The following TIAM2 variants were observed in gnomAD, a reference collection of about 807,000 sequenced individuals.
The protein encoded by TIAM2 is rho guanine nucleotide exchange factor TIAM2.
TIAM2 carries 80 observed loss-of-function variants against 152.9 expected under a neutral mutation model. The ratio of observed to expected loss-of-function variants is 0.52; its 90% CI spans 0.44 to 0.63. The LOEUF (loss-of-function observed/expected upper bound fraction) is 0.63, where lower values mean the gene tolerates loss of function less well. Ranked by LOEUF, TIAM2 falls within the 30% of genes least tolerant of loss-of-function variation. The pLI is 0.00. For synonymous variants in TIAM2, 804 were observed against 838.0 expected, an observed-to-expected ratio of 0.96 and a Z score of 0.70; for missense variants, 1,965 against 2,120.1, an observed-to-expected ratio of 0.93 and a Z score of 1.44.
intron 2 of TIAM2, among the ~76,000 whole-genome samples, chr6:155,119,214 T>C (rs991172424): frequency 1.3e-5 from 2 of 152,168 alleles, no homozygotes; most frequent in East Asian, 3.9e-4. Context: ...TTTGTATTTT[T>C]AGTAGAGACA....
At chr6:155,128,007 A>G (rs1468385565) in intron 3 of TIAM2, among the ~76,000 whole-genome samples, 3 of 152,274 alleles carry the variant, frequency 2.0e-5, no homozygotes, top group African/African-American at 4.8e-5. Context: ...CCTCAAAAAA[A>G]TTATTTCAGA....
intron 20 of TIAM2, 87 bp downstream of exon 20, chr6:155,248,266 C>T: frequency 1.4e-6 from 2 of 1,435,840 alleles, no homozygotes; most frequent in Non-Finnish European, 1.9e-6. Flanking sequence ...CAGCTCACCT[C>T]TTCCCCGCCT....
intron 1 of TIAM2, among the ~76,000 whole-genome samples, chr6:155,010,735 G>A (rs2475871): frequency 0.59 from 89,567 of 151,038 alleles, 28,102 homozygotes; most frequent in East Asian, 0.8. Context: ...ACAGGCATGA[G>A]CCACTGCGCC....
chr6:155,054,124 G>A (rs1260875317), intron 1 of TIAM2, among the ~76,000 whole-genome samples: 1 of 152,202 alleles, frequency 6.6e-6, no homozygotes, highest in Non-Finnish European at 1.5e-5. Flanking sequence ...AGTAAGCTGA[G>A]ATGGCACCAC....
At chr6:155,199,929 T>C (rs562197293) in intron 14 of TIAM2, among the ~76,000 whole-genome samples, 16 of 152,300 alleles carry the variant, frequency 1.1e-4, no homozygotes, top group Non-Finnish European at 1.3e-4. Context: ...GCTGGGTAAA[T>C]CAAGGTATAG....
At chr6:155,224,955 A>ATTTG (rs746662314) in intron 15 of TIAM2, among the ~76,000 whole-genome samples, 17 of 151,890 alleles carry the variant, frequency 1.1e-4, no homozygotes, top group African/African-American at 2.7e-4. Context: ...TTTTCTATTT[A>ATTTG]TTTGTTTGTT....
intron 7 of TIAM2, among the ~76,000 whole-genome samples, chr6:155,157,324 C>G (rs1780145202): frequency 6.6e-6 from 1 of 152,156 alleles, no homozygotes; most frequent in Admixed American, 6.5e-5. Context: ...TTATCAGAGC[C>G]TCTGCCTTAG....
At chr6:155,147,684 C>T (rs1260888960) in intron 6 of TIAM2, among the ~76,000 whole-genome samples, 1 of 152,126 alleles carries the variant, frequency 6.6e-6, no homozygotes, top group Non-Finnish European at 1.5e-5. Context: ...GTGGTTTCAC[C>T]ATATTGGCCA....
At chr6:155,223,517 A>ATTTTT (rs11389646) in intron 15 of TIAM2, among the ~76,000 whole-genome samples, 1 of 140,864 alleles carries the variant, frequency 7.1e-6, no homozygotes. Flanking sequence ...ACATCCCCAG[A>ATTTTT]TTTTTTTTTC....
chr6:155,115,841 A>T (rs527290095), intron 2 of TIAM2, among the ~76,000 whole-genome samples: 2 of 152,270 alleles, frequency 1.3e-5, no homozygotes, highest in East Asian at 3.9e-4. Context: ...AGGATTGGTC[A>T]GGCGTGGTGG....
intron 21 of TIAM2, chr6:155,250,463 A>C: frequency 4.8e-6 from 6 of 1,262,686 alleles, no homozygotes; most frequent in Non-Finnish European, 6.5e-6. Flanking sequence ...TTAGGGAGAA[A>C]ATGGCAGGAA....
intron 24 of TIAM2, 118 bp from the exon 25 acceptor site, chr6:155,253,855 A>T (rs1583293498): frequency 1.4e-6 from 1 of 702,350 alleles, no homozygotes; most frequent in East Asian, 2.8e-5. Flanking sequence ...GAAGAAAATG[A>T]GCCAGGACTG....
chr6:155,238,684 C>T lies in TIAM2; in HGVS notation c.3169-1846C>T, dbSNP rs554288015. On this transcript the variant is annotated intron_variant, in intron 15 of 26. Transcript: ENST00000682666. ...TTTCACCGAAGCCTTCCTGGACAAC[C>T]GATTCTAAAATGCTGCCTCTATTCA... 4.6e-5 allele frequency among the ~76,000 whole-genome samples: 7 copies of T among 152,350 alleles called. No homozygotes were observed. The East Asian group carries it at 7.7e-4, about 17-fold the overall frequency.
At chr6:155,003,465 G>A (rs1306844767) in intron 1 of TIAM2, among the ~76,000 whole-genome samples, 7 of 152,088 alleles carry the variant, frequency 4.6e-5, no homozygotes, top group Admixed American at 4.6e-4. Context: ...AGGCAACAGA[G>A]TGAGACTCTG....
intron 1 of TIAM2, among the ~76,000 whole-genome samples, chr6:155,024,104 G>A (rs1280874511): frequency 6.6e-6 from 1 of 152,128 alleles, no homozygotes; most frequent in African/African-American, 2.4e-5. Context: ...GCTGAGCTGG[G>A]TTTTGACCTT....
rs1391918156 is a variant in TIAM2, at chr6:155,130,164, C to T, written c.941C>T (p.Ser314Leu). Reference protein sequence around the residue: ...KDANLGSLSPSGIRLSDEYMG... With the variant: ...KDANLGSLSPLGIRLSDEYMG... The stretch of plus-strand genomic sequence containing the variant: ...GCCAACCTGGGGAGCCTCTCCCCCT[C>T]AGGTATCCGCCTTTCTGATGAATAC... Residue 314 changes from serine (S) to leucine (L), a missense_variant, in exon 4 of 27, where the codon TCA becomes TTA. Ser to Leu is a moderately radical substitution (Grantham distance 145). Coordinates refer to ENST00000682666, the MANE Select transcript of TIAM2 (RefSeq NM_012454.4). 1 of 1,614,198 alleles carries T rather than the reference C, an allele frequency of 6.2e-7. No individual in the cohort carries two copies. The highest frequency in any genetic ancestry group is 1.1e-5 in the South Asian group (1 of 91,084).
chr6:155,101,911 C>T (rs893087383), intron 2 of TIAM2, among the ~76,000 whole-genome samples: 20 of 152,114 alleles, frequency 1.3e-4, no homozygotes, highest in African/African-American at 4.8e-4. Flanking sequence ...ACCATGTTGG[C>T]TAGGATGGTC....
chr6:155,150,929 T>G (rs1203140669), intron 7 of TIAM2, among the ~76,000 whole-genome samples: 2 of 152,200 alleles, frequency 1.3e-5, no homozygotes. Context: ...ATCACACAGT[T>G]TGTTGGCACG....
intron 7 of TIAM2, among the ~76,000 whole-genome samples, chr6:155,163,771 G>C (rs555092266): frequency 6.6e-6 from 1 of 152,188 alleles, no homozygotes; most frequent in Non-Finnish European, 1.5e-5. Flanking sequence ...AATGTGAAGG[G>C]AAATGAAGCA....
Sources: allele counts gnomAD v4.1 joint callset (sites outside exome capture counted in the v4.1 genomes callset), GRCh38; gene constraint gnomAD v4.1.1; transcripts MANE v1.5; gene names NCBI Gene and HGNC (gene_info 2026-07-23, HGNC 2026-07-21).